PCDHGB7: variants seen among roughly 807,000 people sequenced by gnomAD.
PCDHGB7 encodes the protein protocadherin gamma subfamily B, 7.
A neutral mutation model predicts 61.4 loss-of-function variants in PCDHGB7; 37 were observed. The observed-to-expected ratio is 0.60, with a 90% CI of 0.46 to 0.79. The LOEUF is 0.79. Among genes scored for constraint, PCDHGB7 ranks in the 30% least tolerant of loss-of-function variants. PCDHGB7 has a pLI of 0.00. For missense variants in PCDHGB7, 1,166 were observed against 1,202.5 expected, an observed-to-expected ratio of 0.97 and a Z score of 0.45; for synonymous variants, 464 against 503.5, an observed-to-expected ratio of 0.92 and a Z score of 1.05.
chr5:141,507,872 C>T (rs2099864458), intron 3 of PCDHGB7, among the ~76,000 whole-genome samples: 1 of 152,168 alleles, frequency 6.6e-6, no homozygotes, highest in African/African-American at 2.4e-5. Flanking sequence ...GCTTCCTAGC[C>T]CTGAAACCAG....
At chr5:141,461,051 A>G (rs1238514064) in intron 1 of PCDHGB7, among the ~76,000 whole-genome samples, 1 of 151,734 alleles carries the variant, frequency 6.6e-6, no homozygotes, top group East Asian at 1.9e-4. Flanking sequence ...ATGGGGACTT[A>G]GGTTGGTTTC....
chr5:141,431,670 T>C lies in PCDHGB7; in HGVS notation c.2415+11396T>C, dbSNP rs767342240. 1 of 1,614,070 alleles carries C rather than the reference T, an allele frequency of 6.2e-7. No homozygotes were observed. The highest frequency in any genetic ancestry group is 8.5e-7 in the Non-Finnish European group (1 of 1,180,026). On this transcript the variant is annotated intron_variant, in intron 1 of 3. Coordinates refer to ENST00000398594, the MANE Select transcript of PCDHGB7 (RefSeq NM_018927.4). This position sits in a 1 kb window ranked among gnomAD's most constrained non-coding sequence, Gnocchi z 4.8. ...TGTAATTCAGGGACAATATCAACAATAGGGGAGTTGGACCACGAGGAGTCA... is the reference window on the plus strand; with the variant it reads ...TGTAATTCAGGGACAATATCAACAACAGGGGAGTTGGACCACGAGGAGTCA...
intron 1 of PCDHGB7, chr5:141,427,448 TC>T (rs1355717683): frequency 6.2e-6 from 3 of 484,982 alleles, no homozygotes; most frequent in Non-Finnish European, 1.2e-5. Flanking sequence ...ACGAAAGAGT[TC>T]CTTTTAGAAT....
intron 3 of PCDHGB7, 154 bp from the exon 4 acceptor site, chr5:141,510,793 G>GAGA: frequency 1.1e-6 from 1 of 935,078 alleles, no homozygotes; most frequent in Non-Finnish European, 1.3e-6. Context: ...CTCTTGTGAA[G>GAGA]AGAGACTACC....
rs1452697214 is a variant in PCDHGB7 at position 141,476,552 on chromosome 5, G to T, written c.2416-18255G>T. ...CCAGGAAATGAAATTGGAGATTAGC[G>T]AGGCCGTGGCTCCGGGGACGCGCTT... On this transcript the variant is annotated intron_variant, in intron 1 of 3. Transcript: ENST00000398594. The surrounding 1 kb of genome is among the most constrained non-coding windows in gnomAD (Gnocchi z 7.6). 6.2e-7 allele frequency: 1 copy of T among 1,614,210 alleles called. No individual in the cohort carries two copies. The highest frequency in any genetic ancestry group is 2.2e-5 in the East Asian group (1 of 44,872).
At chr5:141,494,522 G>C (rs2099754911) in intron 1 of PCDHGB7, among the ~76,000 whole-genome samples, 1 of 152,196 alleles carries the variant, frequency 6.6e-6, no homozygotes, top group Non-Finnish European at 1.5e-5. Flanking sequence ...CAGGAGTTCT[G>C]ACTCTGGGGG....
In PCDHGB7 at chr5:141,443,329, A is replaced by AC. The variant is rs58846402; in HGVS notation, c.2415+23056dup. 1.9e-4 allele frequency among the ~76,000 whole-genome samples: 29 copies of AC among 151,590 alleles called. No individual in the cohort carries two copies. In the East Asian group the frequency reaches 4.3e-3, roughly 22 times the overall value. ...AAACCCATCTCTACAAAAAAAAAAA[A>AC]CAAAAATTAACAAGGTTTAGTGGTC... On this transcript the variant is annotated intron_variant, in intron 1 of 3. Coordinates refer to ENST00000398594, the MANE Select transcript of PCDHGB7 (RefSeq NM_018927.4).
rs749817501 is a variant in PCDHGB7 at position 141,423,756 on chromosome 5, G to GT, written c.2415+3482_2415+3483insT. ...GCCTGTTATGAAAACTGTTTGGGGGGGGGGTGGGGCGGCATATATTTAGTT... is the reference window on the plus strand; with the variant it reads ...GCCTGTTATGAAAACTGTTTGGGGGGTGGGGTGGGGCGGCATATATTTAGTT... On this transcript the variant is annotated intron_variant, in intron 1 of 3. Transcript: ENST00000398594. 9 of 448,538 alleles carry GT rather than the reference G, an allele frequency of 2.0e-5. 1 individual carries two copies. Among genetic ancestry groups the GT allele is most frequent in the African/African-American group, 2.8e-5 (1 of 35,670 alleles). 27.8% of individuals were successfully genotyped at this position (448,538 alleles called of 1,614,324 possible).
rs2096348240 is a variant in PCDHGB7, at chr5:141,419,237, C to A, written c.1378C>A (p.His460Asn). 1 of 1,613,988 alleles carries A rather than the reference C, an allele frequency of 6.2e-7. No homozygotes were observed. Among genetic ancestry groups the A allele is most frequent in the Non-Finnish European group, 8.5e-7 (1 of 1,179,892 alleles). Residue 460 changes from histidine (H) to asparagine (N), a missense_variant, in exon 1 of 4, where the codon CAC becomes AAC. Physicochemically the swap from His to Asn is moderately conservative, Grantham distance 68. Transcript: ENST00000398594. ...PVFGQSAYLV[H>N]VPENNQPGAS... is the part of the protein sequence containing the mutation. ...TTTCGGACAGTCAGCCTACCTGGTC[C>A]ACGTGCCAGAAAACAACCAGCCGGG...
chr5:141,455,477 C>A (rs557286491), intron 1 of PCDHGB7, among the ~76,000 whole-genome samples: 15 of 152,252 alleles, frequency 9.9e-5, no homozygotes, highest in African/African-American at 2.9e-4. Flanking sequence ...TATGCAGAGG[C>A]TGGTGGAGGT....
rs202006594 is a variant in PCDHGB7, at chr5:141,477,618, C to A, written c.2416-17189C>A. 15 of 1,614,176 alleles carry A rather than the reference C, an allele frequency of 9.3e-6. No homozygotes were observed. The African/African-American group carries it at 1.3e-4, about 14-fold the overall frequency. ...TCTTTCTTTCTCTTGGAGCAAGGAGCTGAAACCGGGCTAGTGGGTCGCTAT... is the reference window on the plus strand; with the variant it reads ...TCTTTCTTTCTCTTGGAGCAAGGAGATGAAACCGGGCTAGTGGGTCGCTAT... On this transcript the variant is annotated intron_variant, in intron 1 of 3. Coordinates refer to ENST00000398594, the MANE Select transcript of PCDHGB7 (RefSeq NM_018927.4). The surrounding 1 kb of genome is among the most constrained non-coding windows in gnomAD (Gnocchi z 4.9).
At position 141,418,153 on chromosome 5, in the gene PCDHGB7, G is replaced by A. The variant is rs1561771797; in HGVS notation, c.294G>A (p.Glu98=). The A allele has an allele frequency of 1.2e-6, 2 of 1,614,086 alleles. No individual in the cohort carries two copies. The highest frequency in any genetic ancestry group is 2.2e-5 in the East Asian group (1 of 44,888). The change falls in exon 1 of 4, where the codon GAG becomes GAA. Residue 98 remains glutamate, a synonymous_variant. Transcript: ENST00000398594. ...TAGACCGTGAGCAAATATGCAAAGA[G>A]AGAAGAAGATGTGAGTTGCAATTGG... ...DRIDREQICK[E]RRRCELQLEA...
In PCDHGB7 at chr5:141,490,755, C is replaced by T; in HGVS notation, c.2416-4052C>T. ...AGGTTCAGGGAGCCCCAGCCTCCTC[C>T]TTTGTGTATGTCAACCCAGAGGATG... On this transcript the variant is annotated intron_variant, in intron 1 of 3. Transcript: ENST00000398594. This position sits in a 1 kb window ranked among gnomAD's most constrained non-coding sequence, Gnocchi z 5.4. 1 of 1,614,190 alleles carries T rather than the reference C, an allele frequency of 6.2e-7. No individual in the cohort carries two copies. Among genetic ancestry groups the T allele is most frequent in the Non-Finnish European group, 8.5e-7 (1 of 1,180,026 alleles).
At chr5:141,440,399 A>T (rs1215824479) in intron 1 of PCDHGB7, 1 of 152,164 alleles carries the variant, frequency 6.6e-6, no homozygotes, top group Non-Finnish European at 1.5e-5. Context: ...CCGAGAGGCA[A>T]TCGCACCACT....
At chr5:141,508,124 G>C (rs1248096612) in intron 3 of PCDHGB7, 1 of 152,640 alleles carries the variant, frequency 6.6e-6, no homozygotes, top group Non-Finnish European at 1.5e-5. Flanking sequence ...AGGACAGAGG[G>C]AGGTCAGGGA....
At chr5:141,492,265 G>C (rs1363279754) in intron 1 of PCDHGB7, among the ~76,000 whole-genome samples, 1 of 152,180 alleles carries the variant, frequency 6.6e-6, no homozygotes, top group Non-Finnish European at 1.5e-5. Flanking sequence ...CAAGTTGCAC[G>C]GGCTCGCCAC....
At chr5:141,504,462 G>A (rs1375731108) in intron 2 of PCDHGB7, among the ~76,000 whole-genome samples, 5 of 152,074 alleles carry the variant, frequency 3.3e-5, no homozygotes, top group African/African-American at 9.7e-5. Flanking sequence ...TGGGGCAGCC[G>A]CTGGGATGGG....
Position 141,420,219 on chromosome 5 carries a change from T to C in PCDHGB7, c.2360T>C (p.Leu787Pro). 6.2e-7 allele frequency: 1 copy of C among 1,607,100 alleles called. No homozygotes were observed. ...TQDNLNKDSM[L>P]LASILTPSVE... ...GATAACCTCAACAAAGATAGCATGC[T>C]ACTGGCTAGCATTTTAACTCCCAGC... The change falls in exon 1 of 4, where the codon CTA (leucine) becomes CCA (proline). Residue 787 changes from leucine (L) to proline (P), a missense_variant. Leu to Pro is a moderately conservative substitution (Grantham distance 98). Transcript: ENST00000398594.
chr5:141,486,844 C>T lies in PCDHGB7; in HGVS notation c.2416-7963C>T, dbSNP rs150549306. The T allele has an allele frequency of 1.1e-5, 17 of 1,614,220 alleles. No homozygotes were observed. The highest frequency in any genetic ancestry group is 1.4e-5 in the Non-Finnish European group (16 of 1,180,026). ...TAACAGTTCGTCTATTTGTGCTGGACCTCAATGACAATGCTCCAGCTGTGC... is the reference window on the plus strand; with the variant it reads ...TAACAGTTCGTCTATTTGTGCTGGATCTCAATGACAATGCTCCAGCTGTGC... On this transcript the variant is annotated intron_variant, in intron 1 of 3. Transcript: ENST00000398594. The surrounding 1 kb of genome is among the most constrained non-coding windows in gnomAD (Gnocchi z 5.0).
Sources: allele counts gnomAD v4.1 joint callset (sites outside exome capture counted in the v4.1 genomes callset), GRCh38; gene constraint gnomAD v4.1.1; non-coding constraint Gnocchi (gnomAD v3.1); transcripts MANE v1.5; gene names NCBI Gene and HGNC (gene_info 2026-07-23, HGNC 2026-07-21).